Variants in ABCB9 observed in about 807,000 individuals in gnomAD.
ABCB9 encodes ATP binding cassette subfamily B member 9, also known as ABC-type oligopeptide transporter ABCB9.
ABCB9 carries 36 observed loss-of-function variants against 62.0 expected under a neutral mutation model. That is an observed-to-expected ratio of 0.58 (90% CI 0.45 to 0.77). The LOEUF (loss-of-function observed/expected upper bound fraction) is 0.77, where lower values mean the gene tolerates loss of function less well. ABCB9 is among the 30% of genes least tolerant of loss of function. The pLI is 0.00. For synonymous variants in ABCB9, 435 were observed against 461.4 expected, an observed-to-expected ratio of 0.94 and a Z score of 0.73; for missense variants, 943 against 1,054.7, an observed-to-expected ratio of 0.89 and a Z score of 1.47.
intron 5 of ABCB9, chr12:122,946,603 T>C (rs1475940056): frequency 3.7e-6 from 1 of 270,072 alleles, no homozygotes; most frequent in African/African-American, 2.2e-5. Context: ...CCTTGGACGG[T>C]TGTTCAGGTT....
rs2037093053 is a variant in ABCB9 at position 122,964,907 on chromosome 12, A to G, written c.-88+1380T>C. Among the ~76,000 whole-genome samples, 1 of 152,194 alleles carries G rather than the reference A, an allele frequency of 6.6e-6. No individual in the cohort carries two copies. Among genetic ancestry groups the G allele is most frequent in the Non-Finnish European group, 1.5e-5 (1 of 68,026 alleles). ...GGCTTTTCTTCCCAGGGTAGGAGAC[A>G]TTGGTTGGGGTATCTCTAGGCATCA... On this transcript the variant is annotated intron_variant, in intron 1 of 11. Transcript: ENST00000280560. This position sits in a 1 kb window ranked among gnomAD's most constrained non-coding sequence, Gnocchi z 4.7.
At chr12:122,972,402 A>C (rs916790366) in intron 1 of ABCB9, among the ~76,000 whole-genome samples, 5 of 152,228 alleles carry the variant, frequency 3.3e-5, no homozygotes, top group African/African-American at 1.2e-4. Context: ...ACTCAAGGGA[A>C]TAGAAAGCAG....
At chr12:122,925,318 A>G (rs1365669559), downstream of ABCB9, among the ~76,000 whole-genome samples, 1 of 152,160 alleles carries the variant, frequency 6.6e-6, no homozygotes, top group East Asian at 1.9e-4. Flanking sequence ...GCTGGTGGGA[A>G]TGCAAAATGG....
At position 122,930,187 on chromosome 12, in the gene ABCB9, G is replaced by C. The variant is rs1217384011; in HGVS notation, c.2041-16C>G. The C allele has an allele frequency of 2.0e-6, 3 of 1,534,012 alleles. No individual in the cohort carries two copies. Among genetic ancestry groups the C allele is most frequent in the South Asian group, 1.2e-5 (1 of 82,976 alleles). On this transcript the variant is annotated splice_polypyrimidine_tract_variant and intron_variant, in intron 11 of 11. Coordinates refer to ENST00000280560, the MANE Select transcript of ABCB9 (RefSeq NM_019625.4). The surrounding 1 kb of genome is among the most constrained non-coding windows in gnomAD (Gnocchi z 4.9). ...CCTGCTGGATCTGCGGGGACAGTGG[G>C]GGCCTGGCTTGCATGGCACGGACGC...
At chr12:122,933,330 G>A (rs1444232827) in intron 10 of ABCB9, among the ~76,000 whole-genome samples, 2 of 152,148 alleles carry the variant, frequency 1.3e-5, no homozygotes, top group East Asian at 1.9e-4. Context: ...CAAGGTGGGC[G>A]GGTCACAAGG....
chr12:122,948,571 T>G, intron 5 of ABCB9, 53 bp downstream of exon 5: 2 of 1,512,984 alleles, frequency 1.3e-6, no homozygotes, highest in Non-Finnish European at 8.9e-7. Flanking sequence ...CCTAAGGGGA[T>G]GTTTGGGGGC....
Position 122,944,332 on chromosome 12 carries a change from A to C in ABCB9, c.1380+59T>G. The C allele has an allele frequency of 6.5e-7, 1 of 1,538,702 alleles. No individual in the cohort carries two copies. Among genetic ancestry groups the C allele is most frequent in the Non-Finnish European group, 8.8e-7 (1 of 1,132,916 alleles). ...GGAGCCCCGCCCCCACCCTGTTAAGATCCCTCTTCCCCAAACTCCTCCCTT... is the reference window on the plus strand; with the variant it reads ...GGAGCCCCGCCCCCACCCTGTTAAGCTCCCTCTTCCCCAAACTCCTCCCTT... On this transcript the variant is annotated intron_variant, in intron 7 of 11. Coordinates refer to ENST00000280560, the MANE Select transcript of ABCB9 (RefSeq NM_019625.4). This position sits in a 1 kb window ranked among gnomAD's most constrained non-coding sequence, Gnocchi z 4.9.
At chr12:122,966,517 G>A (rs1486439071), upstream of ABCB9, 2 of 152,208 alleles carry the variant, frequency 1.3e-5, no homozygotes, top group East Asian at 3.9e-4. Flanking sequence ...GACGGAGGGG[G>A]CGGGGATCCT....
At chr12:122,946,873 C>T (rs887421425) in intron 5 of ABCB9, among the ~76,000 whole-genome samples, 5 of 152,218 alleles carry the variant, frequency 3.3e-5, no homozygotes, top group African/African-American at 1.2e-4. Context: ...TGGAGCTGTT[C>T]ACACTTTGCA....
chr12:122,950,225 G>C (rs1184794324), intron 3 of ABCB9, among the ~76,000 whole-genome samples: 1 of 152,182 alleles, frequency 6.6e-6, no homozygotes, highest in African/African-American at 2.4e-5. Flanking sequence ...GGGTGAGCAG[G>C]GAACCCTGAG....
At chr12:122,921,566 C>T (rs2034747408) in intron 11 of ABCB9, among the ~76,000 whole-genome samples, 1 of 152,184 alleles carries the variant, frequency 6.6e-6, no homozygotes, top group Non-Finnish European at 1.5e-5. Flanking sequence ...CACCTGATGT[C>T]AGGAGTTCGA....
chr12:122,969,181 C>G (rs371603856), upstream of ABCB9, among the ~76,000 whole-genome samples: 2 of 148,588 alleles, frequency 1.3e-5, no homozygotes, highest in African/African-American at 5.0e-5. Flanking sequence ...TCCACCCCCC[C>G]CCCCCCCCCG....
At chr12:122,924,463 C>T, downstream of ABCB9, 1 of 489,238 alleles carries the variant, frequency 2.0e-6, no homozygotes, top group Non-Finnish European at 3.1e-6. Flanking sequence ...CTCGTGGACT[C>T]AAGTGATCCT....
chr12:122,966,134 C>A (rs922679883), intron 1 of ABCB9, among the ~76,000 whole-genome samples, 153 bp downstream of exon 1: 5 of 152,218 alleles, frequency 3.3e-5, no homozygotes, highest in African/African-American at 7.2e-5. Flanking sequence ...CGGCTGCGGG[C>A]TCCGGGAGGG....
intron 2 of ABCB9, among the ~76,000 whole-genome samples, chr12:122,958,625 G>A (rs1269695751): frequency 6.6e-6 from 1 of 152,160 alleles, no homozygotes; most frequent in East Asian, 1.9e-4. Flanking sequence ...GATCACTTGA[G>A]CCCAGGAGTT....
At chr12:122,954,208 A>AT (rs992539671) in intron 2 of ABCB9, among the ~76,000 whole-genome samples, 14 of 150,686 alleles carry the variant, frequency 9.3e-5, no homozygotes, top group South Asian at 6.3e-4. Context: ...TTTTTTATGT[A>AT]TTTTTTTTAT....
At chr12:122,969,174 A>ACCCCCCCCCCCC (rs56058123), upstream of ABCB9, among the ~76,000 whole-genome samples, 1 of 138,380 alleles carries the variant, frequency 7.2e-6, no homozygotes. Flanking sequence ...CATCCTTTCC[A>ACCCCCCCCCCCC]CCCCCCCCCC....
Position 122,939,897 on chromosome 12 carries a change from C to CAGCCTCAGCTTCCCA in ABCB9, c.1743+199_1743+213dup. 7.9e-6 allele frequency: 5 copies of CAGCCTCAGCTTCCCA among 630,030 alleles called. No individual in the cohort carries two copies. In the South Asian group the frequency reaches 1.2e-4, roughly 15 times the overall value. 39.0% of individuals were successfully genotyped at this position (630,030 alleles called of 1,614,324 possible). ...TCCAGGCTGGCCTCAAGGGATCCTC[C>CAGCCTCAGCTTCCCA]AGCCTCAGCTTCCCAAAATGCTGGG... On this transcript the variant is annotated intron_variant, in intron 9 of 11. Transcript: ENST00000280560.
At position 122,959,044 on chromosome 12, in the gene ABCB9, G is replaced by A. The variant is rs923974415; in HGVS notation, c.601+591C>T. ...GCCACCGCGCCTGGCCTATTTTTTC[G>A]TTTTAAATTACATAAAATAGAAATG... On this transcript the variant is annotated intron_variant, in intron 2 of 11. Transcript: ENST00000280560. The surrounding 1 kb of genome is among the most constrained non-coding windows in gnomAD (Gnocchi z 5.4). 1.3e-4 allele frequency among the ~76,000 whole-genome samples: 19 copies of A among 144,954 alleles called. No individual in the cohort carries two copies. The highest frequency in any genetic ancestry group is 4.2e-4 in the African/African-American group (17 of 40,008).
Sources: allele counts gnomAD v4.1 joint callset (sites outside exome capture counted in the v4.1 genomes callset), GRCh38; gene constraint gnomAD v4.1.1; non-coding constraint Gnocchi (gnomAD v3.1); transcripts MANE v1.5; gene names NCBI Gene and HGNC (gene_info 2026-07-23, HGNC 2026-07-21).